Variants in CCDC170 observed in about 807,000 individuals in gnomAD.
CCDC170 encodes coiled-coil domain-containing protein 170.
CCDC170 carries 69 observed loss-of-function variants against 72.6 expected under a neutral mutation model. The observed-to-expected ratio is 0.95, with a 90% CI of 0.78 to 1.16. The LOEUF (loss-of-function observed/expected upper bound fraction) is 1.16. CCDC170 is among the 50% of genes most tolerant of loss of function. The probability of loss-of-function intolerance (pLI) is 0.00; values close to 1 mark genes in which losing one functional copy is unlikely to be tolerated. For missense variants in CCDC170, 852 were observed against 832.5 expected, an observed-to-expected ratio of 1.02 and a Z score of -0.29; for synonymous variants, 300 against 303.9, an observed-to-expected ratio of 0.99 and a Z score of 0.13.
chr6:151,615,229 G>C (rs1430204644), intron 9 of CCDC170, among the ~76,000 whole-genome samples: 1 of 152,040 alleles, frequency 6.6e-6, no homozygotes, highest in Non-Finnish European at 1.5e-5. Context: ...TTCAAATAAG[G>C]GTACTCTAAT....
intron 6 of CCDC170, among the ~76,000 whole-genome samples, chr6:151,577,847 T>C (rs929833343): frequency 6.6e-5 from 10 of 152,182 alleles, no homozygotes; most frequent in African/African-American, 2.4e-4. Context: ...GGATCTAGGT[T>C]GCGTGCATCT....
intron 1 of CCDC170, among the ~76,000 whole-genome samples, chr6:151,518,530 A>C (rs772853605): frequency 1.4e-4 from 22 of 152,360 alleles, no homozygotes; most frequent in African/African-American, 2.6e-4. Context: ...TTTATTAATA[A>C]AGTAAAGGAA....
chr6:151,610,291 A>C (rs1192936351), intron 9 of CCDC170, among the ~76,000 whole-genome samples: 3 of 152,242 alleles, frequency 2.0e-5, no homozygotes, highest in Non-Finnish European at 4.4e-5. Context: ...TATCAAAAAA[A>C]TTCTACTAGT....
In CCDC170 at chr6:151,538,245, A is replaced by G; in HGVS notation, c.387A>G (p.Ala129=). 5.6e-6 allele frequency: 9 copies of G among 1,613,932 alleles called. No homozygotes were observed. Among genetic ancestry groups the G allele is most frequent in the Non-Finnish European group, 7.6e-6 (9 of 1,179,888 alleles). The part of the protein sequence containing the change: ...KIRTEITAHA[A]IKENQELKKK... ...GAACAGAAATCACAGCTCACGCTGC[A>G]ATCAAGGAGAACCAGGAATTAAAGA... The change falls in exon 3 of 11, where the codon GCA becomes GCG. Residue 129 remains alanine (A), a synonymous_variant. Transcript: ENST00000239374.
rs751644202 is a variant in CCDC170, at chr6:151,596,415, G to A, written c.1548G>A (p.Glu516=). The change falls in exon 9 of 11, where the codon GAG becomes GAA. Residue 516 remains glutamate (E), a synonymous_variant. Transcript: ENST00000239374. ...LLRQKIAQLE[E]EKQARTALVV... ...GGCAGAAAATAGCCCAGCTGGAGGA[G>A]GAGAAGCAGGCACGCACGGCCTTGG... 30 of 1,614,056 alleles carry A rather than the reference G, an allele frequency of 1.9e-5. No individual in the cohort carries two copies. The highest frequency in any genetic ancestry group is 5.3e-5 in the African/African-American group (4 of 74,920).
Position 151,589,713 on chromosome 6 carries a change from A to G in CCDC170, c.1294-3394A>G, listed in dbSNP as rs987412025. On this transcript the variant is annotated intron_variant, in intron 7 of 10. Transcript: ENST00000239374. Reference sequence around the variant, plus strand: ...CATTGCTGCCAGGGAGGTCTTAATGAAAGGTATGCCTAATCTTATCTTTCT... The same window carrying G: ...CATTGCTGCCAGGGAGGTCTTAATGGAAGGTATGCCTAATCTTATCTTTCT... Among the ~76,000 whole-genome samples the G allele has an allele frequency of 5.3e-5, 8 of 152,272 alleles. No homozygotes were observed. The East Asian group carries it at 1.5e-3, about 29-fold the overall frequency.
chr6:151,556,611 C>T (rs982086878), intron 5 of CCDC170, among the ~76,000 whole-genome samples: 4 of 152,090 alleles, frequency 2.6e-5, no homozygotes, highest in African/African-American at 4.8e-5. Context: ...TATTGCTACA[C>T]GATACTTGTA....
chr6:151,540,723 G>A (rs114824497), intron 3 of CCDC170, among the ~76,000 whole-genome samples: 6 of 151,794 alleles, frequency 4.0e-5, no homozygotes, highest in African/African-American at 1.2e-4. Context: ...TCTCATTCAC[G>A]AGGTCTCCTC....
intron 1 of CCDC170, among the ~76,000 whole-genome samples, chr6:151,525,329 C>T (rs543939410): frequency 6.6e-6 from 1 of 152,312 alleles, no homozygotes; most frequent in African/African-American, 2.4e-5. Flanking sequence ...CCCCTGTGAC[C>T]TGCACGTATA....
intron 2 of CCDC170, 131 bp downstream of exon 2, chr6:151,536,577 C>A: frequency 1.0e-6 from 1 of 980,638 alleles, no homozygotes; most frequent in Non-Finnish European, 1.5e-6. Context: ...GAGATCCAGA[C>A]CATCCTGGCC....
chr6:151,570,209 T>C (rs566852922), intron 5 of CCDC170, among the ~76,000 whole-genome samples: 1 of 152,346 alleles, frequency 6.6e-6, no homozygotes, highest in South Asian at 2.1e-4. Context: ...GCATCTGAGA[T>C]ATATTTTGTG....
intron 1 of CCDC170, among the ~76,000 whole-genome samples, chr6:151,496,374 A>G (rs1220061936): frequency 6.6e-6 from 1 of 152,238 alleles, no homozygotes; most frequent in African/African-American, 2.4e-5. Flanking sequence ...ACTGCCTACA[A>G]AAGGAAAATG....
intron 1 of CCDC170, among the ~76,000 whole-genome samples, chr6:151,531,760 T>A (rs1225041109): frequency 6.6e-6 from 1 of 152,100 alleles, no homozygotes; most frequent in Non-Finnish European, 1.5e-5. Flanking sequence ...AAACTTACAA[T>A]CATGGCAGAA....
intron 5 of CCDC170, among the ~76,000 whole-genome samples, chr6:151,560,129 GC>G (rs1783053754): frequency 6.6e-6 from 1 of 151,894 alleles, no homozygotes; most frequent in African/African-American, 2.4e-5. Flanking sequence ...CACTACTTTT[GC>G]TGTATCCCAG....
At chr6:151,585,838 T>C in intron 6 of CCDC170, 51 bp from the exon 7 acceptor site, 1 of 1,562,450 alleles carries the variant, frequency 6.4e-7, no homozygotes, top group Non-Finnish European at 8.8e-7. Context: ...ATGTGAACAC[T>C]TCCTTGCATC....
chr6:151,595,248 C>T (rs1028204589), intron 8 of CCDC170, among the ~76,000 whole-genome samples: 8 of 152,058 alleles, frequency 5.3e-5, no homozygotes, highest in African/African-American at 1.9e-4. Context: ...CTAATTGTGA[C>T]ATGTGGAGCC....
At chr6:151,560,530 T>G (rs1783060301) in intron 5 of CCDC170, among the ~76,000 whole-genome samples, 1 of 152,178 alleles carries the variant, frequency 6.6e-6, no homozygotes, top group Non-Finnish European at 1.5e-5. Context: ...GTTTTCTGAC[T>G]TAATGATCTG....
intron 1 of CCDC170, among the ~76,000 whole-genome samples, chr6:151,523,680 T>G (rs1021394490): frequency 7.2e-6 from 1 of 139,784 alleles, no homozygotes; most frequent in African/African-American, 2.9e-5. Flanking sequence ...AGTAAGACTC[T>G]GTCTCAAAAA....
intron 5 of CCDC170, among the ~76,000 whole-genome samples, chr6:151,554,960 C>T (rs1313066870): frequency 2.2e-5 from 3 of 138,200 alleles, no homozygotes; most frequent in Admixed American, 8.0e-5. Flanking sequence ...CTCACTGTAA[C>T]CTCTGCCTCC....
Sources: gnomAD v4.1 joint callset for allele counts (sites outside exome capture counted in the v4.1 genomes callset) on GRCh38, gnomAD v4.1.1 for gene constraint, MANE v1.5 for transcripts, NCBI Gene and HGNC (gene_info 2026-07-23, HGNC 2026-07-21) for gene names.